Variants in CLSTN2 observed in about 807,000 individuals in gnomAD.
CLSTN2 encodes calsyntenin 2, also known as calsyntenin-2.
In CLSTN2, 48 loss-of-function variants were observed where a neutral mutation model predicts 101.2. The ratio of observed to expected loss-of-function variants is 0.47; its 90% CI spans 0.38 to 0.60. The LOEUF is 0.60. Ranked by LOEUF, CLSTN2 falls within the 20% of genes least tolerant of loss-of-function variation. CLSTN2 has a pLI of 0.00. For synonymous variants in CLSTN2, 481 were observed against 463.6 expected (o/e 1.04, Z -0.48); for missense variants, 1,160 against 1,238.2 (o/e 0.94, Z 0.95).
At chr3:140,437,659 C>G (rs2088702200) in intron 5 of CLSTN2, among the ~76,000 whole-genome samples, 1 of 152,118 alleles carries the variant, frequency 6.6e-6, no homozygotes, top group African/African-American at 2.4e-5. Context: ...GTGGGCACCC[C>G]CAGGCAAGGA....
intron 10 of CLSTN2, among the ~76,000 whole-genome samples, chr3:140,548,888 T>C (rs1475634396): frequency 6.6e-6 from 1 of 151,740 alleles, no homozygotes; most frequent in Admixed American, 6.6e-5. Context: ...GGAGACTGGG[T>C]AGCATGGGGA....
intron 1 of CLSTN2, among the ~76,000 whole-genome samples, chr3:140,161,936 T>G (rs1221540869): frequency 6.6e-6 from 1 of 152,304 alleles, no homozygotes; most frequent in East Asian, 1.9e-4. Context: ...ATTTATTAAT[T>G]TACTTATAAT....
At chr3:139,953,211 CTA>C (rs1284913069) in intron 1 of CLSTN2, among the ~76,000 whole-genome samples, 1 of 152,102 alleles carries the variant, frequency 6.6e-6, no homozygotes, top group Non-Finnish European at 1.5e-5. Context: ...TAGATAGTCT[CTA>C]TCATATGGGC....
intron 2 of CLSTN2, among the ~76,000 whole-genome samples, chr3:140,296,344 C>T (rs189504538): frequency 3.9e-4 from 59 of 152,326 alleles, no homozygotes; most frequent in Admixed American, 3.7e-3. Flanking sequence ...GCAAATGGCT[C>T]TCTGGGAAAT....
intron 8 of CLSTN2, among the ~76,000 whole-genome samples, chr3:140,518,886 G>C (rs1433921081): frequency 1.3e-5 from 2 of 152,092 alleles, no homozygotes; most frequent in African/African-American, 4.8e-5. Flanking sequence ...GCTAGCTTTG[G>C]AGTTTGTTTG....
At chr3:140,299,493 G>A (rs190562971) in intron 2 of CLSTN2, among the ~76,000 whole-genome samples, 208 of 152,276 alleles carry the variant, frequency 1.4e-3, no homozygotes, top group African/African-American at 4.6e-3. Context: ...CAACTGTAAC[G>A]TTTCATTCGT....
chr3:140,260,985 TAAGTA>T (rs1448831906), intron 2 of CLSTN2, among the ~76,000 whole-genome samples: 6 of 152,208 alleles, frequency 3.9e-5, no homozygotes, highest in African/African-American at 1.4e-4. Flanking sequence ...TTCATCATGT[TAAGTA>T]AAGGATATGT....
At chr3:140,491,968 A>G (rs887543900) in intron 8 of CLSTN2, among the ~76,000 whole-genome samples, 1 of 152,200 alleles carries the variant, frequency 6.6e-6, no homozygotes, top group Non-Finnish European at 1.5e-5. Context: ...TGCAAATACA[A>G]CATTGAACAA....
intron 2 of CLSTN2, among the ~76,000 whole-genome samples, 157 bp from the exon 3 acceptor site, chr3:140,403,471 TC>T: frequency 6.6e-6 from 1 of 152,278 alleles, no homozygotes; most frequent in East Asian, 1.9e-4. Flanking sequence ...TTTAAGAAGC[TC>T]CCAGGCAATG....
At chr3:140,343,345 T>G (rs2087509717) in intron 2 of CLSTN2, among the ~76,000 whole-genome samples, 1 of 152,198 alleles carries the variant, frequency 6.6e-6, no homozygotes, top group African/African-American at 2.4e-5. Flanking sequence ...CTCAATTCCC[T>G]GATCCTAATA....
intron 1 of CLSTN2, among the ~76,000 whole-genome samples, chr3:139,967,530 A>G (rs571507982): frequency 6.6e-6 from 1 of 152,232 alleles, no homozygotes; most frequent in Non-Finnish European, 1.5e-5. Context: ...AAGCCAAGGG[A>G]GTTTGGCATG....
chr3:140,274,890 A>G (rs766813858), intron 2 of CLSTN2, among the ~76,000 whole-genome samples: 9 of 152,194 alleles, frequency 5.9e-5, no homozygotes, highest in Non-Finnish European at 1.3e-4. Context: ...TGCAACAGCC[A>G]CTTCTGGCGA....
At chr3:140,359,477 G>A (rs1401252411) in intron 2 of CLSTN2, among the ~76,000 whole-genome samples, 2 of 152,260 alleles carry the variant, frequency 1.3e-5, no homozygotes, top group South Asian at 2.1e-4. Context: ...TAAGAAAGGA[G>A]AAGGAAAAAG....
chr3:140,345,421 T>G (rs1217363118), intron 2 of CLSTN2, among the ~76,000 whole-genome samples: 2 of 151,692 alleles, frequency 1.3e-5, no homozygotes, highest in Non-Finnish European at 2.9e-5. Flanking sequence ...GCTAATTTTT[T>G]GTATCTTTAG....
chr3:139,977,687 A>AG (rs1237996371), intron 1 of CLSTN2, among the ~76,000 whole-genome samples: 3 of 91,316 alleles, frequency 3.3e-5, no homozygotes, highest in African/African-American at 1.6e-4. Flanking sequence ...TGTGGCCTGG[A>AG]GGCTGGTGGG....
chr3:140,005,513 G>A (rs1258292480), intron 1 of CLSTN2, among the ~76,000 whole-genome samples: 2 of 152,156 alleles, frequency 1.3e-5, no homozygotes, highest in East Asian at 1.9e-4. Context: ...AGCCTCTCCT[G>A]CTTTTCTTTG....
rs139582664 is a variant in CLSTN2, at chr3:140,546,754, C to T, written c.1674+73C>T. On this transcript the variant is annotated intron_variant, in intron 10 of 16. Transcript: ENST00000458420. ...GCCCAGCCTGCACAGCGCCAGCACACGCCAGGAAATGGAGCTTCCTGGAAC... is the reference window on the plus strand; with the variant it reads ...GCCCAGCCTGCACAGCGCCAGCACATGCCAGGAAATGGAGCTTCCTGGAAC... The T allele has an allele frequency of 2.1e-4, 284 of 1,363,356 alleles. 1 individual carries two copies. In the African/African-American group the frequency reaches 3.6e-3, roughly 17 times the overall value. 84.5% of individuals were successfully genotyped at this position (1,363,356 alleles called of 1,614,324 possible). A position where few individuals can be genotyped will look rare whatever the true frequency, so the allele number is the denominator to read the frequency against.
intron 1 of CLSTN2, among the ~76,000 whole-genome samples, chr3:139,968,926 G>T (rs1935648540): frequency 6.6e-6 from 1 of 152,138 alleles, no homozygotes; most frequent in Admixed American, 6.5e-5. Flanking sequence ...AGCTATAAAA[G>T]ACATCATTAT....
rs774096527 is a variant in CLSTN2 at position 140,439,839 on chromosome 3, A to C, written c.788-8680A>C. On this transcript the variant is annotated intron_variant, in intron 5 of 16. Transcript: ENST00000458420. ...ATCCTTTGGCAGCTGGTTGGGGCTA[A>C]GCAGATGATTGATAAGTAATACGTA... Among the ~76,000 whole-genome samples the C allele has an allele frequency of 7.9e-5, 12 of 152,348 alleles. No individual in the cohort carries two copies. In the East Asian group the frequency reaches 2.1e-3, roughly 27 times the overall value.
Sources: gnomAD v4.1 joint callset for allele counts (sites outside exome capture counted in the v4.1 genomes callset) on GRCh38, gnomAD v4.1.1 for gene constraint, MANE v1.5 for transcripts, NCBI Gene and HGNC (gene_info 2026-07-23, HGNC 2026-07-21) for gene names.